STS: variants seen among roughly 807,000 people sequenced by gnomAD.
The protein encoded by STS is steryl-sulfatase.
A neutral mutation model predicts 26.8 loss-of-function variants in STS; 7 were observed. That is an observed-to-expected ratio of 0.26 (90% CI 0.15 to 0.49). The LOEUF (loss-of-function observed/expected upper bound fraction) is 0.49. Ranked by LOEUF, STS falls within the 20% of genes least tolerant of loss-of-function variation. The pLI is 0.98. For synonymous variants in STS, 199 were observed against 189.4 expected (o/e 1.05, Z -0.42); for missense variants, 434 against 465.6 (o/e 0.93, Z 0.63).
chrX:7,235,691 C>T (rs997384007), intron 2 of STS, among the ~76,000 whole-genome samples: 1 of 111,320 alleles, frequency 9.0e-6, no homozygotes, highest in Non-Finnish European at 1.9e-5. Context: ...TTGCTTGAGT[C>T]CAGAAGGTTG....
At chrX:7,207,394 G>A (rs1342495681) in intron 2 of STS, among the ~76,000 whole-genome samples, 1 of 112,094 alleles carries the variant, frequency 8.9e-6, no homozygotes, top group African/African-American at 3.2e-5. Flanking sequence ...AAGTTACAGG[G>A]ATTTAGATTG....
intron 7 of STS, among the ~76,000 whole-genome samples, chrX:7,291,803 A>G (rs1187708974): frequency 8.9e-6 from 1 of 111,896 alleles, no homozygotes; most frequent in Non-Finnish European, 1.9e-5. Context: ...TTTTATTCTA[A>G]GGTAAGACAA....
intron 1 of STS, among the ~76,000 whole-genome samples, chrX:7,161,975 C>T (rs1417299424): frequency 9.0e-6 from 1 of 111,390 alleles, no homozygotes; most frequent in Non-Finnish European, 1.9e-5. Context: ...AATCTAAAAG[C>T]TTTCAGTGCA....
chrX:7,257,391 TGTGGTCACCTTCGGGACA>T (rs1923471858), intron 4 of STS, 28 bp downstream of exon 4: 1 of 1,210,824 alleles, frequency 8.3e-7, no homozygotes, highest in Admixed American at 2.2e-5. Flanking sequence ...TCGCAGGGGC[TGTGGTCACCTTCGGGACA>T]GTCTCCCACC....
chrX:7,303,409 C>T (rs780188821), intron 7 of STS, among the ~76,000 whole-genome samples: 1 of 111,109 alleles, frequency 9.0e-6, no homozygotes. Context: ...GGAAAAGAAA[C>T]GGATTCTGCT....
chrX:7,223,818 G>T (rs1374448063), intron 2 of STS, among the ~76,000 whole-genome samples: 3 of 111,275 alleles, frequency 2.7e-5, no homozygotes, highest in African/African-American at 9.8e-5. Flanking sequence ...TGGTCATGAA[G>T]TAAAGCCAAG....
chrX:7,199,466 C>T (rs892214541), intron 2 of STS, among the ~76,000 whole-genome samples: 5 of 111,755 alleles, frequency 4.5e-5, no homozygotes, highest in African/African-American at 1.6e-4. Flanking sequence ...TATAATAAAT[C>T]GTGTTTTCAC....
At chrX:7,165,424 G>A (rs996683942) in intron 1 of STS, among the ~76,000 whole-genome samples, 2 of 111,041 alleles carry the variant, frequency 1.8e-5, no homozygotes, top group Non-Finnish European at 3.8e-5. Flanking sequence ...CAAGGAGGGC[G>A]AGGAGATTGA....
chrX:7,247,901 A>C (rs1922961376), intron 2 of STS, among the ~76,000 whole-genome samples: 1 of 112,155 alleles, frequency 8.9e-6, no homozygotes, highest in African/African-American at 3.2e-5. Context: ...CCTGTAATGG[A>C]ACCCATTATC....
chrX:7,312,340 T>G (rs1300613759), intron 8 of STS, among the ~76,000 whole-genome samples: 1 of 112,128 alleles, frequency 8.9e-6, no homozygotes, highest in Non-Finnish European at 1.9e-5. Context: ...CTCTGATAAC[T>G]TACCTGTTTA....
At chrX:7,326,241 T>G (rs1927465208) in intron 9 of STS, among the ~76,000 whole-genome samples, 3 of 111,494 alleles carry the variant, frequency 2.7e-5, no homozygotes, top group African/African-American at 9.8e-5. Context: ...GGGGCCTTAC[T>G]GGTGGGTTTG....
intron 6 of STS, among the ~76,000 whole-genome samples, chrX:7,261,681 C>G (rs780870778): frequency 2.7e-4 from 30 of 111,535 alleles, no homozygotes; most frequent in Non-Finnish European, 4.5e-4. Context: ...ACCCATTCAC[C>G]TGGAGGTACA....
intron 7 of STS, among the ~76,000 whole-genome samples, chrX:7,302,641 A>G (rs900269694): frequency 3.6e-5 from 4 of 111,884 alleles, no homozygotes; most frequent in Non-Finnish European, 7.5e-5. Flanking sequence ...AATAGCAAAA[A>G]TATGCCTTGC....
chrX:7,340,413 G>A (rs1267776289), intron 10 of STS, among the ~76,000 whole-genome samples: 2 of 111,595 alleles, frequency 1.8e-5, no homozygotes, highest in South Asian at 3.7e-4. Flanking sequence ...CCTTACTTTC[G>A]TATCTTCTGT....
intron 1 of STS, among the ~76,000 whole-genome samples, chrX:7,166,765 A>G (rs189959176): frequency 9.0e-6 from 1 of 111,711 alleles, no homozygotes; most frequent in East Asian, 2.8e-4. Context: ...CATATGTGGG[A>G]AGTTCATAGA....
intron 2 of STS, among the ~76,000 whole-genome samples, chrX:7,205,552 G>A (rs967809415): frequency 9.0e-6 from 1 of 110,720 alleles, no homozygotes; most frequent in Non-Finnish European, 1.9e-5. Context: ...GGGTTGGCTG[G>A]TATAAAACTG....
At chrX:7,298,935 A>G (rs1423161402) in intron 7 of STS, among the ~76,000 whole-genome samples, 1 of 102,801 alleles carries the variant, frequency 9.7e-6, no homozygotes, top group Non-Finnish European at 2.0e-5. Flanking sequence ...CTATCTATCT[A>G]GCATATGTGA....
At chrX:7,328,728 T>C (rs1927605397) in intron 9 of STS, among the ~76,000 whole-genome samples, 1 of 110,702 alleles carries the variant, frequency 9.0e-6, no homozygotes. Flanking sequence ...CTTGGCTAAT[T>C]TTTTGCATTG....
chrX:7,172,018 T>C (rs774852348), intron 1 of STS, among the ~76,000 whole-genome samples: 1 of 112,067 alleles, frequency 8.9e-6, no homozygotes, highest in Non-Finnish European at 1.9e-5. Context: ...ATAAATGAGT[T>C]TGGGAATATT....
Sources: gnomAD v4.1 joint callset for allele counts (sites outside exome capture counted in the v4.1 genomes callset) on GRCh38, gnomAD v4.1.1 for gene constraint, MANE v1.5 for transcripts, NCBI Gene and HGNC (gene_info 2026-07-23, HGNC 2026-07-21) for gene names.